The following PLA2G4E variants were observed in gnomAD, a reference collection of about 807,000 sequenced individuals.
PLA2G4E encodes phospholipase A2 group IVE, also known as cytosolic phospholipase A2 epsilon.
In PLA2G4E, 84 loss-of-function variants were observed where a neutral mutation model predicts 109.1. The ratio of observed to expected loss-of-function variants is 0.77; its 90% confidence interval spans 0.65 to 0.92. PLA2G4E has a LOEUF of 0.92. PLA2G4E is among the 40% of genes least tolerant of loss of function. PLA2G4E has a pLI of 0.00. For synonymous variants in PLA2G4E, 469 were observed against 436.1 expected (o/e 1.08, Z -0.94); for missense variants, 1,057 against 1,076.6 (o/e 0.98, Z 0.25).
At chr15:42,013,039 T>C (rs893269317) in intron 2 of PLA2G4E, among the ~76,000 whole-genome samples, 16 of 152,092 alleles carry the variant, frequency 1.1e-4, no homozygotes, top group African/African-American at 3.9e-4. Flanking sequence ...GATGCCTCCA[T>C]TGGCCCCCGT....
rs1302880946 is a variant in PLA2G4E at position 42,022,586 on chromosome 15, G to A, written c.184-8829C>T. Among the ~76,000 whole-genome samples the A allele has an allele frequency of 2.6e-5, 4 of 152,002 alleles. No individual in the cohort carries two copies. The East Asian group carries it at 7.7e-4, about 29-fold the overall frequency. On this transcript the variant is annotated intron_variant, in intron 1 of 19. Coordinates refer to ENST00000399518, the Ensembl canonical transcript of PLA2G4E. The stretch of plus-strand genomic sequence containing the variant: ...GGCATTAGATTTTCATAAGGAATGT[G>A]CAACCTAGATCCCTCGAGTATACAG...
At chr15:42,033,935 T>C (rs1343482720) in intron 1 of PLA2G4E, among the ~76,000 whole-genome samples, 3 of 152,014 alleles carry the variant, frequency 2.0e-5, no homozygotes, top group Admixed American at 6.5e-5. Context: ...TCTGTGCACA[T>C]GGATGTGTAG....
chr15:42,025,052 C>T (rs142232559), intron 1 of PLA2G4E, among the ~76,000 whole-genome samples: 2,278 of 151,924 alleles, frequency 0.015, 19 homozygotes, highest in Middle Eastern at 0.034. Context: ...AAAAATTAGC[C>T]GGGCATGGTC....
intron 6 of PLA2G4E, 52 bp downstream of exon 6, chr15:42,002,602 G>C: frequency 6.6e-7 from 1 of 1,520,162 alleles, no homozygotes; most frequent in South Asian, 1.2e-5. Context: ...TCCCCTGAGA[G>C]CAGCAGCCAG....
chr15:41,996,350 GAAAAAA>G (rs34559872), intron 11 of PLA2G4E, among the ~76,000 whole-genome samples: 1,454 of 75,116 alleles, frequency 0.019, 19 homozygotes, highest in African/African-American at 0.077. Flanking sequence ...CCTGTCTCAA[GAAAAAA>G]AAAAAAAAAA....
intron 1 of PLA2G4E, among the ~76,000 whole-genome samples, chr15:42,016,718 C>T (rs2068598886): frequency 6.6e-6 from 1 of 152,204 alleles, no homozygotes; most frequent in Admixed American, 6.5e-5. Context: ...GGTCTCTTCT[C>T]CTCTCCTGAA....
rs2068578568 is a variant in PLA2G4E at position 42,015,333 on chromosome 15, G to A, written c.184-1576C>T. Among the ~76,000 whole-genome samples, 3 of 152,146 alleles carry A rather than the reference G, an allele frequency of 2.0e-5. No individual in the cohort carries two copies. In the South Asian group the frequency reaches 6.2e-4, roughly 32 times the overall value. ...CCGGATCATCCTTCCTGCCTACCGA[G>A]GGACCGCAGCGCTCTCCCAGTGCCC... On this transcript the variant is annotated intron_variant, in intron 1 of 19. Transcript: ENST00000399518.
At chr15:42,021,559 G>A (rs1314076136) in intron 1 of PLA2G4E, among the ~76,000 whole-genome samples, 1 of 152,062 alleles carries the variant, frequency 6.6e-6, no homozygotes, top group Non-Finnish European at 1.5e-5. Context: ...AGAGGGTGAA[G>A]AAAGAAAATA....
chr15:42,021,350 C>G (rs1272129060), intron 1 of PLA2G4E, among the ~76,000 whole-genome samples: 1 of 151,968 alleles, frequency 6.6e-6, no homozygotes, highest in African/African-American at 2.4e-5. Flanking sequence ...GTAGGACTAG[C>G]CCGCCATAAT....
In PLA2G4E at chr15:41,988,140, G is replaced by A. The variant is rs573523203; in HGVS notation, c.1740C>T (p.Ile580=). 22 of 1,599,588 alleles carry A rather than the reference G, an allele frequency of 1.4e-5. No individual in the cohort carries two copies. In the South Asian group the frequency reaches 2.1e-4, roughly 16 times the overall value. The change falls in exon 16 of 20, where the codon ATC becomes ATT. Residue 580 remains isoleucine, a synonymous_variant. Transcript: ENST00000399518. Reference sequence around the variant, plus strand: ...AGGCATCCAGCAGGTTCAGGGAGAAGATGCTGCTCCACAGGCCTGGGAGCC... The same window carrying A: ...AGGCATCCAGCAGGTTCAGGGAGAAAATGCTGCTCCACAGGCCTGGGAGCC...
chr15:41,994,843 G>A (rs2068311779), intron 12 of PLA2G4E, among the ~76,000 whole-genome samples: 2 of 152,168 alleles, frequency 1.3e-5, no homozygotes, highest in African/African-American at 4.8e-5. Flanking sequence ...CTATTTTTGT[G>A]GGCCCCTAAA....
intron 2 of PLA2G4E, 105 bp downstream of exon 2, chr15:42,013,580 C>G (rs62004283): frequency 6.5e-6 from 7 of 1,078,450 alleles, no homozygotes; most frequent in African/African-American, 4.7e-5. Context: ...TGCACACGTG[C>G]GCGCGCACAC....
exon 17 of PLA2G4E, chr15:41,987,315 A>T: frequency 6.2e-7 from 1 of 1,613,976 alleles, no homozygotes. Flanking sequence ...TGGGATCACT[A>T]CCGTGGTCTC....
chr15:42,050,692 C>T (rs1413273801), exon 1 of PLA2G4E: 4 of 1,550,066 alleles, frequency 2.6e-6, no homozygotes, highest in Admixed American at 2.0e-5. Context: ...CTTCCGAGGC[C>T]TGGAGACTCA....
intron 5 of PLA2G4E, among the ~76,000 whole-genome samples, chr15:42,004,316 A>C (rs2068451194): frequency 6.7e-6 from 1 of 150,092 alleles, no homozygotes; most frequent in Non-Finnish European, 1.5e-5. Context: ...GAAAGGAAAG[A>C]AAAGGAAAGA....
chr15:42,036,592 A>C (rs911780071), intron 1 of PLA2G4E, among the ~76,000 whole-genome samples: 1 of 151,730 alleles, frequency 6.6e-6, no homozygotes, highest in African/African-American at 2.4e-5. Context: ...ACACTCCCAA[A>C]GGCTGGGCCA....
intron 10 of PLA2G4E, 169 bp from the exon 11 acceptor site, chr15:41,997,428 A>G: frequency 1.6e-6 from 1 of 640,412 alleles, no homozygotes; most frequent in Non-Finnish European, 2.5e-6. Context: ...ATCGTGCTGA[A>G]CTCTCAGCAC....
At chr15:41,996,103 T>C (rs895907524) in intron 11 of PLA2G4E, among the ~76,000 whole-genome samples, 2 of 152,006 alleles carry the variant, frequency 1.3e-5, no homozygotes, top group Non-Finnish European at 2.9e-5. Flanking sequence ...TCCCAGCACT[T>C]TGGGGGGCCG....
At chr15:42,019,169 T>A (rs2141063360) in intron 1 of PLA2G4E, among the ~76,000 whole-genome samples, 1 of 152,324 alleles carries the variant, frequency 6.6e-6, no homozygotes, top group African/African-American at 2.4e-5. Flanking sequence ...GCTCTCACTA[T>A]GAATGTACAG....
Sources: allele counts gnomAD v4.1 joint callset (sites outside exome capture counted in the v4.1 genomes callset), GRCh38; gene constraint gnomAD v4.1.1; transcripts MANE v1.5; gene names NCBI Gene and HGNC (gene_info 2026-07-23, HGNC 2026-07-21).